Variants in TNS1 observed in about 807,000 individuals in gnomAD.
The protein encoded by TNS1 is tensin 1, also known as tensin-1.
TNS1 carries 62 observed loss-of-function variants against 168.6 expected under a neutral mutation model. That is an observed-to-expected ratio of 0.37 (90% CI 0.30 to 0.45). TNS1 has a LOEUF of 0.45. Among genes scored for constraint, TNS1 ranks in the 20% least tolerant of loss-of-function variants. The pLI, the probability that TNS1 is intolerant of heterozygous loss-of-function variation, is 1.00. For synonymous variants in TNS1, 934 were observed against 933.2 expected, an observed-to-expected ratio of 1.00 and a Z score of -0.02; for missense variants, 2,240 against 2,339.4, an observed-to-expected ratio of 0.96 and a Z score of 0.88.
At chr2:217,824,935 T>C (rs1943396668) in intron 22 of TNS1, among the ~76,000 whole-genome samples, 1 of 152,080 alleles carries the variant, frequency 6.6e-6, no homozygotes, top group South Asian at 2.1e-4. Context: ...ACACAGCACC[T>C]GGCACACAGC....
At position 217,831,132 on chromosome 2, in the gene TNS1, C is replaced by T. The variant is rs936275404; in HGVS notation, c.3373+323G>A. On this transcript the variant is annotated intron_variant, in intron 22 of 32. Coordinates refer to ENST00000682258, the MANE Select transcript of TNS1 (RefSeq NM_001387777.1). The stretch of plus-strand genomic sequence containing the variant: ...GTGTGCATGTATGTGCGCCCATGTA[C>T]GTGTACCCGAGGGCCTGAACACCTA... Among the ~76,000 whole-genome samples the T allele has an allele frequency of 3.3e-5, 5 of 151,938 alleles. No homozygotes were observed. The East Asian group carries it at 5.8e-4, about 18-fold the overall frequency.
At chr2:217,946,961 T>TCACACACACACA (rs1363329507) in intron 3 of TNS1, among the ~76,000 whole-genome samples, 1,376 of 133,642 alleles carry the variant, frequency 0.01, 39 homozygotes, top group African/African-American at 0.045. Context: ...TCTCTCTCTC[T>TCACACACACACA]CTCTCTCTCA....
intron 1 of TNS1, among the ~76,000 whole-genome samples, chr2:218,027,174 C>T (rs1958855796): frequency 6.6e-6 from 1 of 152,166 alleles, no homozygotes; most frequent in Admixed American, 6.5e-5. Flanking sequence ...CCACCAGCTG[C>T]TCCAGTCACC....
At chr2:218,025,726 GAAT>G (rs549088241) in intron 1 of TNS1, among the ~76,000 whole-genome samples, 1 of 151,922 alleles carries the variant, frequency 6.6e-6, no homozygotes, top group Non-Finnish European at 1.5e-5. Context: ...CCCCAGATTG[GAAT>G]GCAATGGTGC....
chr2:217,876,488 A>G (rs1950216933), intron 18 of TNS1, among the ~76,000 whole-genome samples: 1 of 152,164 alleles, frequency 6.6e-6, no homozygotes, highest in South Asian at 2.1e-4. Flanking sequence ...ACCTCTCCCC[A>G]CCACCTGTCC....
At chr2:217,931,814 GT>G (rs1377550124) in intron 3 of TNS1, among the ~76,000 whole-genome samples, 2 of 152,140 alleles carry the variant, frequency 1.3e-5, no homozygotes, top group East Asian at 3.8e-4. Context: ...ACGTTAAAAT[GT>G]TTTTTAATAA....
At chr2:218,021,347 C>A (rs931201888) in intron 1 of TNS1, among the ~76,000 whole-genome samples, 6 of 152,232 alleles carry the variant, frequency 3.9e-5, no homozygotes, top group Admixed American at 3.9e-4. Flanking sequence ...GAAGAGTCTG[C>A]AGAAAGTCCC....
chr2:217,953,385 T>C (rs1957287682), intron 3 of TNS1, among the ~76,000 whole-genome samples: 1 of 152,202 alleles, frequency 6.6e-6, no homozygotes, highest in Non-Finnish European at 1.5e-5. Context: ...CAATCTACCC[T>C]GGCAAATCTC....
intron 7 of TNS1, among the ~76,000 whole-genome samples, chr2:217,898,232 C>T (rs1474598414): frequency 6.6e-6 from 1 of 152,222 alleles, no homozygotes; most frequent in Non-Finnish European, 1.5e-5. Context: ...GACACCAATT[C>T]TTGGTTCCCA....
chr2:217,993,985 A>C (rs1163257805), intron 1 of TNS1, among the ~76,000 whole-genome samples: 1 of 152,200 alleles, frequency 6.6e-6, no homozygotes, highest in African/African-American at 2.4e-5. Context: ...GAGCAGAGAC[A>C]AAAGCCCAGG....
At position 217,885,039 on chromosome 2, in the gene TNS1, G is replaced by A; in HGVS notation, c.1242C>T (p.Phe414=). ...VFGKEDLDDA[F]KDDRFPEYGK... ...AGCTCCACTCAAGGAGCGCACCTTT[G>A]AAAGCATCATCAAGGTCCTCCTTCC... Residue 414 remains phenylalanine (F), a synonymous_variant, in exon 16 of 33, where the codon TTC becomes TTT. Transcript: ENST00000682258. 1.2e-6 allele frequency: 2 copies of A among 1,614,226 alleles called. No individual in the cohort carries two copies. The highest frequency in any genetic ancestry group is 1.7e-6 in the Non-Finnish European group (2 of 1,180,032).
intron 1 of TNS1, among the ~76,000 whole-genome samples, chr2:218,025,670 A>T (rs1958844561): frequency 6.7e-6 from 1 of 148,812 alleles, no homozygotes; most frequent in Non-Finnish European, 1.5e-5. Flanking sequence ...CCTGGGAGAC[A>T]GGGGATTTCT....
intron 1 of TNS1, among the ~76,000 whole-genome samples, chr2:218,028,472 C>T (rs1246680015): frequency 1.3e-5 from 2 of 152,220 alleles, no homozygotes; most frequent in African/African-American, 4.8e-5. Flanking sequence ...ATCCCTTGGG[C>T]AACCTTTATT....
chr2:217,910,407 G>C (rs112328808), intron 4 of TNS1, among the ~76,000 whole-genome samples: 4 of 152,070 alleles, frequency 2.6e-5, no homozygotes, highest in African/African-American at 7.2e-5. Context: ...CATGCTGCCC[G>C]ACCCTCCTCT....
rs543790606 is a variant in TNS1, at chr2:217,960,964, G to A, written c.186+17801C>T. On this transcript the variant is annotated intron_variant, in intron 3 of 32. Transcript: ENST00000682258. ...AAAAGGAAAACAACTGGCACCCAGG[G>A]AAGCAGTAGGATGCCAAGGCCCCAT... is the stretch of plus-strand genomic sequence containing the variant. Among the ~76,000 whole-genome samples, 3 of 152,216 alleles carry A rather than the reference G, an allele frequency of 2.0e-5. 1 individual carries two copies. Among genetic ancestry groups the A allele is most frequent in the South Asian group, 4.2e-4 (2 of 4,812 alleles).
At chr2:218,008,466 G>T (rs146478379) in intron 1 of TNS1, among the ~76,000 whole-genome samples, 1 of 152,154 alleles carries the variant, frequency 6.6e-6, no homozygotes, top group African/African-American at 2.4e-5. Context: ...CCCACTTCAG[G>T]CTCCTTTTCT....
Position 217,821,787 on chromosome 2 carries a change from G to A in TNS1, c.3525C>T (p.Val1175=). 6.5e-7 allele frequency: 1 copy of A among 1,531,050 alleles called. No homozygotes were observed. The highest frequency in any genetic ancestry group is 1.3e-5 in the South Asian group (1 of 78,444). The allele number at this position is 1,531,050 out of a possible 1,614,324, so 94.8% of individuals were successfully genotyped here. A position where few individuals can be genotyped will look rare whatever the true frequency, so the allele number is the denominator to read the frequency against. ...LRNGTLGGSF[V]SPSPLSTSSP... is the part of the protein sequence containing the mutation. The stretch of plus-strand genomic sequence containing the variant: ...TGCTGGTGGAGAGGGGGCTGGGGGA[G>A]ACAAAGGAGCCACCCAGGGTCCCGT... Residue 1175 remains valine (V), a synonymous_variant, in exon 23 of 33, where the codon GTC becomes GTT. Coordinates refer to ENST00000682258, the MANE Select transcript of TNS1 (RefSeq NM_001387777.1).
chr2:217,980,921 C>A lies in TNS1; in HGVS notation c.149-2119G>T, dbSNP rs562058938. Among the ~76,000 whole-genome samples the A allele has an allele frequency of 1.2e-4, 19 of 152,312 alleles. No individual in the cohort carries two copies. In the South Asian group the frequency reaches 3.1e-3, roughly 25 times the overall value. ...CCCTCTTATCCTTTGGGAATCCACCCAAAGTCATCTCCTCAAAGAGGCCTC... is the reference window on the plus strand; with the variant it reads ...CCCTCTTATCCTTTGGGAATCCACCAAAAGTCATCTCCTCAAAGAGGCCTC... On this transcript the variant is annotated intron_variant, in intron 2 of 32. Coordinates refer to ENST00000682258, the MANE Select transcript of TNS1 (RefSeq NM_001387777.1).
chr2:217,810,584 G>C (rs1940669775), intron 28 of TNS1, among the ~76,000 whole-genome samples: 1 of 152,178 alleles, frequency 6.6e-6, no homozygotes, highest in African/African-American at 2.4e-5. Context: ...ATAAAACAAA[G>C]ACGATGATCA....
Sources: gnomAD v4.1 joint callset for allele counts (sites outside exome capture counted in the v4.1 genomes callset) on GRCh38, gnomAD v4.1.1 for gene constraint, MANE v1.5 for transcripts, NCBI Gene and HGNC (gene_info 2026-07-23, HGNC 2026-07-21) for gene names.